Variants in TSHZ2 observed in about 807,000 individuals in gnomAD.
TSHZ2 encodes the protein teashirt zinc finger homeobox 2.
TSHZ2 carries 21 observed loss-of-function variants against 74.4 expected under a neutral mutation model. The ratio of observed to expected loss-of-function variants is 0.28; its 90% CI spans 0.20 to 0.41. The LOEUF (loss-of-function observed/expected upper bound fraction) is 0.41, where lower values mean the gene tolerates loss of function less well. TSHZ2 is among the 10% of genes least tolerant of loss of function. The pLI, the probability that TSHZ2 is intolerant of heterozygous loss-of-function variation, is 1.00. For missense variants in TSHZ2, 1,244 were observed against 1,293.5 expected (o/e 0.96, Z 0.59); for synonymous variants, 540 against 515.3 (o/e 1.05, Z -0.65).
At chr20:53,144,992 C>T (rs995249939) in intron 1 of TSHZ2, among the ~76,000 whole-genome samples, 1 of 152,012 alleles carries the variant, frequency 6.6e-6, no homozygotes, top group Non-Finnish European at 1.5e-5. Flanking sequence ...GAAACAACGG[C>T]AAAATTAAAT....
At chr20:53,232,867 T>C (rs984800593) in intron 1 of TSHZ2, among the ~76,000 whole-genome samples, 2 of 152,192 alleles carry the variant, frequency 1.3e-5, no homozygotes, top group African/African-American at 4.8e-5. Context: ...TAAGAGGCCA[T>C]TCAGCAAGCT....
At chr20:53,121,570 G>C (rs964839143) in intron 1 of TSHZ2, among the ~76,000 whole-genome samples, 1 of 152,148 alleles carries the variant, frequency 6.6e-6, no homozygotes, top group African/African-American at 2.4e-5. Flanking sequence ...CTCCTGTTTT[G>C]AGTTACTATG....
intron 1 of TSHZ2, among the ~76,000 whole-genome samples, chr20:53,067,039 G>A (rs960288466): frequency 5.9e-5 from 9 of 152,236 alleles, no homozygotes; most frequent in Non-Finnish European, 1.3e-4. Context: ...GTAGATTTCT[G>A]AAGGAGTTGA....
At chr20:53,036,355 A>T (rs1158695022) in intron 1 of TSHZ2, among the ~76,000 whole-genome samples, 1 of 152,116 alleles carries the variant, frequency 6.6e-6, no homozygotes, top group Non-Finnish European at 1.5e-5. Flanking sequence ...ATGTTATAAA[A>T]ATAACTTTTA....
intron 1 of TSHZ2, among the ~76,000 whole-genome samples, chr20:52,997,772 C>T (rs2122946494): frequency 6.6e-6 from 1 of 152,316 alleles, no homozygotes; most frequent in South Asian, 2.1e-4. Context: ...GATTCCCAAG[C>T]TCCAGGCAGA....
chr20:53,323,272 A>C (rs1262279169), intron 2 of TSHZ2, among the ~76,000 whole-genome samples: 1 of 152,216 alleles, frequency 6.6e-6, no homozygotes, highest in Non-Finnish European at 1.5e-5. Context: ...CACATCTGCC[A>C]AAACAGACAG....
chr20:53,313,891 G>A (rs777717271), intron 2 of TSHZ2, among the ~76,000 whole-genome samples: 1 of 152,206 alleles, frequency 6.6e-6, no homozygotes, highest in Non-Finnish European at 1.5e-5. Context: ...GGTCCCAAGT[G>A]AGCACTTCAA....
intron 1 of TSHZ2, among the ~76,000 whole-genome samples, chr20:53,193,520 T>C (rs1988791826): frequency 6.6e-6 from 1 of 152,164 alleles, no homozygotes; most frequent in Non-Finnish European, 1.5e-5. Context: ...TGTGACACTA[T>C]AATGTAATTG....
At chr20:53,369,810 A>G (rs1219775240) in intron 2 of TSHZ2, among the ~76,000 whole-genome samples, 3 of 152,190 alleles carry the variant, frequency 2.0e-5, no homozygotes, top group Non-Finnish European at 4.4e-5. Context: ...AAGAAAGGCA[A>G]TGAGGTTTTC....
At chr20:53,121,852 T>C (rs147882478) in intron 1 of TSHZ2, among the ~76,000 whole-genome samples, 183 of 152,206 alleles carry the variant, frequency 1.2e-3, no homozygotes, top group African/African-American at 4.2e-3. Flanking sequence ...CTGAGTTTTA[T>C]TGTCCCTCCT....
chr20:53,308,416 T>C (rs1386785547), intron 2 of TSHZ2, among the ~76,000 whole-genome samples: 1 of 151,978 alleles, frequency 6.6e-6, no homozygotes, highest in Non-Finnish European at 1.5e-5. Context: ...AACTGCTAAA[T>C]GGGGGAAAGC....
intron 1 of TSHZ2, among the ~76,000 whole-genome samples, chr20:52,982,197 G>C (rs1981591189): frequency 6.6e-6 from 1 of 152,180 alleles, no homozygotes; most frequent in Non-Finnish European, 1.5e-5. Context: ...ATGAGAATCT[G>C]AGTAAGTTGC....
At chr20:53,327,349 C>T (rs1568869728) in intron 2 of TSHZ2, among the ~76,000 whole-genome samples, 1 of 152,112 alleles carries the variant, frequency 6.6e-6, no homozygotes, top group Non-Finnish European at 1.5e-5. Flanking sequence ...ATGACAGATG[C>T]GTGGTGGCGG....
intron 2 of TSHZ2, among the ~76,000 whole-genome samples, chr20:53,364,933 G>T (rs900825925): frequency 6.6e-6 from 1 of 152,236 alleles, no homozygotes; most frequent in African/African-American, 2.4e-5. Flanking sequence ...AATGGCCCTG[G>T]TTTTAGAAAC....
intron 2 of TSHZ2, among the ~76,000 whole-genome samples, chr20:53,345,129 G>C (rs537538253): frequency 6.6e-6 from 1 of 152,232 alleles, no homozygotes; most frequent in Non-Finnish European, 1.5e-5. Context: ...TGGAGGAAGT[G>C]ACATTTCAGT....
intron 2 of TSHZ2, among the ~76,000 whole-genome samples, chr20:53,469,046 T>TATATATATAC: frequency 2.4e-5 from 1 of 42,320 alleles, no homozygotes; most frequent in African/African-American, 6.9e-5. Context: ...ATCGATATTT[T>TATATATATAC]ATATATATAT....
intron 2 of TSHZ2, among the ~76,000 whole-genome samples, chr20:53,259,228 G>A (rs1408546669): frequency 6.6e-6 from 1 of 152,218 alleles, no homozygotes; most frequent in East Asian, 1.9e-4. Context: ...ATTTTAGAAA[G>A]TATGATCAAG....
chr20:53,079,463 C>CGCT (rs1568749310), intron 1 of TSHZ2, among the ~76,000 whole-genome samples: 1 of 152,168 alleles, frequency 6.6e-6, no homozygotes, highest in Non-Finnish European at 1.5e-5. Flanking sequence ...CCTCTCAAAT[C>CGCT]GCTGCTATGT....
intron 1 of TSHZ2, among the ~76,000 whole-genome samples, chr20:53,013,070 T>C (rs1982913236): frequency 2.0e-5 from 3 of 152,224 alleles, no homozygotes; most frequent in African/African-American, 4.8e-5. Context: ...TATTTTCTTC[T>C]TGTTTTCTTG....
Sources: allele counts gnomAD v4.1 joint callset (sites outside exome capture counted in the v4.1 genomes callset), GRCh38; gene constraint gnomAD v4.1.1; transcripts MANE v1.5; gene names NCBI Gene and HGNC (gene_info 2026-07-23, HGNC 2026-07-21).